The following AUTS2 variants were observed in gnomAD, a reference collection of about 807,000 sequenced individuals.
The protein encoded by AUTS2 is autism susceptibility gene 2 protein.
AUTS2 carries 17 observed loss-of-function variants against 112.4 expected under a neutral mutation model. The observed-to-expected ratio is 0.15, with a 90% CI of 0.10 to 0.23. The LOEUF (loss-of-function observed/expected upper bound fraction) is 0.23. AUTS2 is among the 10% of genes least tolerant of loss of function. The pLI is 1.00. For missense variants in AUTS2, 1,510 were observed against 1,701.6 expected (o/e 0.89, Z 1.98); for synonymous variants, 751 against 702.7 (o/e 1.07, Z -1.09).
At chr7:69,772,761 A>G (rs1221864248) in intron 1 of AUTS2, among the ~76,000 whole-genome samples, 1 of 152,154 alleles carries the variant, frequency 6.6e-6, no homozygotes, top group African/African-American at 2.4e-5. Flanking sequence ...AGTGGAAATA[A>G]CTTTGAAAGT....
At chr7:70,454,145 G>A (rs1018219788) in intron 5 of AUTS2, among the ~76,000 whole-genome samples, 4 of 152,194 alleles carry the variant, frequency 2.6e-5, no homozygotes, top group Admixed American at 1.3e-4. Context: ...CCAAGGATGC[G>A]GGCTTCCACA....
At chr7:70,369,606 G>A (rs546278494) in intron 4 of AUTS2, among the ~76,000 whole-genome samples, 2 of 152,176 alleles carry the variant, frequency 1.3e-5, no homozygotes, top group African/African-American at 4.8e-5. Flanking sequence ...AAGAAGAGGA[G>A]ATGATTAGAT....
chr7:69,773,544 T>G (rs1276671200), intron 1 of AUTS2, among the ~76,000 whole-genome samples: 1 of 151,740 alleles, frequency 6.6e-6, no homozygotes, highest in Non-Finnish European at 1.5e-5. Flanking sequence ...CAGAAAGGCT[T>G]TTTGACAGTA....
intron 5 of AUTS2, among the ~76,000 whole-genome samples, chr7:70,516,733 G>A (rs1428198639): frequency 6.6e-6 from 1 of 152,216 alleles, no homozygotes; most frequent in Non-Finnish European, 1.5e-5. Flanking sequence ...AAGCACTTGT[G>A]TGGCACTGTA....
intron 1 of AUTS2, among the ~76,000 whole-genome samples, chr7:69,692,246 G>C (rs1233529659): frequency 6.6e-6 from 1 of 152,228 alleles, no homozygotes; most frequent in African/African-American, 2.4e-5. Context: ...TGGCAACGAA[G>C]ACTGGAGGAG....
chr7:70,790,590 GCCACCA>G lies in AUTS2; in HGVS notation c.3395_3400del (p.His1132_His1133del), dbSNP rs538005366. The G allele has an allele frequency of 6.4e-5, 102 of 1,600,706 alleles. No individual in the cohort carries two copies. The highest frequency in any genetic ancestry group is 3.1e-4 in the South Asian group (28 of 89,384). On this transcript the variant is annotated inframe_deletion, in exon 19 of 19. Coordinates refer to ENST00000342771, the MANE Select transcript of AUTS2 (RefSeq NM_015570.4). The surrounding 1 kb of genome is among the most constrained non-coding windows in gnomAD (Gnocchi z 7.6). ...AGGGACCGGGAGCCTCACGACTACA[GCCACCA>G]CCACCACCACCACCACCACCCGCTG... is the stretch of plus-strand genomic sequence containing the variant.
chr7:70,526,077 T>C (rs540495260), intron 5 of AUTS2, among the ~76,000 whole-genome samples: 26 of 152,220 alleles, frequency 1.7e-4, no homozygotes, highest in Non-Finnish European at 3.5e-4. Context: ...CACACAATTC[T>C]CGCTGTCTCT....
chr7:70,070,891 A>G (rs1177534959), intron 2 of AUTS2, among the ~76,000 whole-genome samples: 1 of 151,832 alleles, frequency 6.6e-6, no homozygotes, highest in African/African-American at 2.4e-5. Flanking sequence ...AAAAAAAAAA[A>G]AAGAAAGGGA....
In AUTS2 at chr7:70,763,428, A is replaced by G. The variant is rs552250545; in HGVS notation, c.1214+87A>G. ...GAGTCGGGGAGGGATCCCTAGGGAG[A>G]CTGAGGTTTCCTTGTTGGAAACATC... On this transcript the variant is annotated intron_variant, in intron 7 of 18. Transcript: ENST00000342771. 46 of 945,186 alleles carry G rather than the reference A, an allele frequency of 4.9e-5. No homozygotes were observed. The African/African-American group carries it at 6.8e-4, about 14-fold the overall frequency. The allele number at this position is 945,186 out of a possible 1,614,324, so 58.5% of individuals were successfully genotyped here.
intron 2 of AUTS2, among the ~76,000 whole-genome samples, chr7:70,028,837 A>G (rs1283022083): frequency 6.6e-6 from 1 of 152,164 alleles, no homozygotes; most frequent in Non-Finnish European, 1.5e-5. Context: ...CCTGAGGAAT[A>G]TCCCTCAAGG....
intron 14 of AUTS2, among the ~76,000 whole-genome samples, chr7:70,779,007 A>AGAT (rs2129559476): frequency 6.6e-6 from 1 of 152,342 alleles, no homozygotes; most frequent in East Asian, 1.9e-4. Context: ...CTTGAACATG[A>AGAT]GATAACTTCG....
In AUTS2 at chr7:70,791,316, G is replaced by GT. The variant is rs895815377; in HGVS notation, c.*320_*321insT. 60 of 215,406 alleles carry GT rather than the reference G, an allele frequency of 2.8e-4. 3 individuals carry two copies. Among genetic ancestry groups the GT allele is most frequent in the Non-Finnish European group, 1.4e-4 (15 of 110,300 alleles). 13.3% of individuals were successfully genotyped at this position (215,406 alleles called of 1,614,324 possible). ...GATGATAATTGTAGCGGGGGCGGTGGGGGGGAGAAGTCCACGCCATCCATC... is the reference window on the plus strand; with the variant it reads ...GATGATAATTGTAGCGGGGGCGGTGGTGGGGGAGAAGTCCACGCCATCCATC... On this transcript the variant is annotated 3_prime_UTR_variant, in exon 19 of 19. Transcript: ENST00000342771.
At chr7:70,282,906 G>A (rs1325453491) in intron 4 of AUTS2, among the ~76,000 whole-genome samples, 1 of 152,080 alleles carries the variant, frequency 6.6e-6, no homozygotes, top group East Asian at 1.9e-4. Context: ...ATATTTTACA[G>A]GCATTGCTAC....
rs376678221 is a variant in AUTS2, at chr7:70,513,849, G to A, written c.690+78068G>A. 2.0e-5 allele frequency among the ~76,000 whole-genome samples: 3 copies of A among 152,072 alleles called. No homozygotes were observed. The East Asian group carries it at 5.8e-4, about 29-fold the overall frequency. On this transcript the variant is annotated intron_variant, in intron 5 of 18. Coordinates refer to ENST00000342771, the MANE Select transcript of AUTS2 (RefSeq NM_015570.4). ...TAATTTTTGTATTTTTAGTAGAAATGAGGTTTCACCATGTTGCCCAGGCTG... is the reference window on the plus strand; with the variant it reads ...TAATTTTTGTATTTTTAGTAGAAATAAGGTTTCACCATGTTGCCCAGGCTG...
chr7:70,091,439 C>T (rs1224159840), intron 2 of AUTS2, among the ~76,000 whole-genome samples: 2 of 152,084 alleles, frequency 1.3e-5, no homozygotes, highest in Non-Finnish European at 2.9e-5. Context: ...ACCTAATGGA[C>T]CCATTTACAA....
chr7:70,007,061 CT>C (rs1196546497), intron 2 of AUTS2, among the ~76,000 whole-genome samples: 3 of 152,090 alleles, frequency 2.0e-5, no homozygotes, highest in Non-Finnish European at 4.4e-5. Flanking sequence ...TCCTTAATTA[CT>C]TTTTTTACAC....
intron 1 of AUTS2, among the ~76,000 whole-genome samples, chr7:69,877,836 G>A (rs1451564160): frequency 6.6e-6 from 1 of 152,108 alleles, no homozygotes; most frequent in African/African-American, 2.4e-5. Flanking sequence ...AGTGCTAGAG[G>A]GGTGCTTGGG....
chr7:70,225,913 A>G (rs962013320), intron 4 of AUTS2, among the ~76,000 whole-genome samples: 3 of 152,156 alleles, frequency 2.0e-5, no homozygotes, highest in Admixed American at 6.6e-5. Flanking sequence ...GTGTCCATCA[A>G]AATCTTACAG....
intron 5 of AUTS2, among the ~76,000 whole-genome samples, chr7:70,677,289 T>C (rs1417979782): frequency 6.6e-6 from 1 of 152,196 alleles, no homozygotes; most frequent in Non-Finnish European, 1.5e-5. Flanking sequence ...TTGCAACTTA[T>C]CTGCAAATCC....
Sources: gnomAD v4.1 joint callset for allele counts (sites outside exome capture counted in the v4.1 genomes callset) on GRCh38, gnomAD v4.1.1 for gene constraint, Gnocchi (gnomAD v3.1) non-coding constraint, MANE v1.5 for transcripts, NCBI Gene and HGNC (gene_info 2026-07-23, HGNC 2026-07-21) for gene names.